DLG1: variants seen among roughly 807,000 people sequenced by gnomAD.
DLG1 encodes the protein disks large homolog 1.
A neutral mutation model predicts 123.4 loss-of-function variants in DLG1; 42 were observed. The observed-to-expected ratio is 0.34, with a 90% confidence interval of 0.27 to 0.44. DLG1 has a LOEUF of 0.44. DLG1 is among the 20% of genes least tolerant of loss of function. The probability of loss-of-function intolerance (pLI) is 1.00; values close to 1 mark genes in which losing one functional copy is unlikely to be tolerated. For synonymous variants in DLG1, 317 were observed against 356.2 expected (o/e 0.89, Z 1.24); for missense variants, 942 against 1,082.6 (o/e 0.87, Z 1.82).
At chr3:197,100,037 G>A (rs930478981) in intron 14 of DLG1, among the ~76,000 whole-genome samples, 2 of 152,094 alleles carry the variant, frequency 1.3e-5, no homozygotes, top group African/African-American at 4.8e-5. Context: ...GTGGACACTC[G>A]CAGTTCAAAC....
At chr3:197,113,805 G>A (rs2149384724) in intron 13 of DLG1, among the ~76,000 whole-genome samples, 1 of 152,148 alleles carries the variant, frequency 6.6e-6, no homozygotes, top group Non-Finnish European at 1.5e-5. Context: ...TTATAGGTAA[G>A]GTATAGATAA....
At chr3:197,250,385 T>C (rs1410198681) in intron 4 of DLG1, among the ~76,000 whole-genome samples, 2 of 151,902 alleles carry the variant, frequency 1.3e-5, no homozygotes, top group Admixed American at 6.6e-5. Context: ...CTGGCCAACA[T>C]TGTGAAACCC....
intron 4 of DLG1, among the ~76,000 whole-genome samples, chr3:197,219,207 T>C (rs1016274372): frequency 6.6e-6 from 1 of 152,142 alleles, no homozygotes; most frequent in South Asian, 2.1e-4. Flanking sequence ...CTATCCTCTA[T>C]TCTCAAACAC....
At chr3:197,215,304 T>C (rs1459267149) in intron 4 of DLG1, among the ~76,000 whole-genome samples, 1 of 152,132 alleles carries the variant, frequency 6.6e-6, no homozygotes, top group Non-Finnish European at 1.5e-5. Flanking sequence ...TGGGAAGAAT[T>C]TGTCAATAAA....
intron 4 of DLG1, among the ~76,000 whole-genome samples, chr3:197,244,021 A>G (rs1317482309): frequency 6.6e-6 from 1 of 152,246 alleles, no homozygotes; most frequent in Non-Finnish European, 1.5e-5. Context: ...ATCCAGTAAT[A>G]GTCCACCACA....
intron 4 of DLG1, among the ~76,000 whole-genome samples, chr3:197,281,227 C>T (rs139028084): frequency 2.0e-5 from 3 of 152,172 alleles, no homozygotes; most frequent in Admixed American, 6.5e-5. Context: ...AGACGTGAGA[C>T]GTGGTTTCAC....
intron 6 of DLG1, among the ~76,000 whole-genome samples, chr3:197,147,349 T>C (rs373385157): frequency 3.9e-5 from 6 of 152,116 alleles, no homozygotes; most frequent in African/African-American, 9.7e-5. Context: ...TGCATGTTTA[T>C]AGCAGCGCAA....
chr3:197,260,804 A>T (rs1759069304), intron 4 of DLG1, among the ~76,000 whole-genome samples: 1 of 149,956 alleles, frequency 6.7e-6, no homozygotes, highest in Non-Finnish European at 1.5e-5. Context: ...ATATGCAAGC[A>T]AACATTTCTT....
intron 4 of DLG1, among the ~76,000 whole-genome samples, chr3:197,278,027 G>A (rs1264128213): frequency 1.3e-5 from 2 of 151,944 alleles, no homozygotes; most frequent in Non-Finnish European, 2.9e-5. Context: ...GCTGAAGCCT[G>A]TAATCCCAGC....
rs922473488 is a variant in DLG1 at position 197,044,004 on chromosome 3, C to T, written c.*619G>A. 1 of 151,962 alleles carries T rather than the reference C, an allele frequency of 6.6e-6. No homozygotes were observed. The highest frequency in any genetic ancestry group is 1.5e-5 in the Non-Finnish European group (1 of 67,972). The allele number at this position is 151,962 out of a possible 1,614,324, so 9.4% of individuals were successfully genotyped here. The stretch of plus-strand genomic sequence containing the variant: ...AACGTTGTTATTCCTAGCAAATGTC[C>T]TGGGAAAAAAGAACCGTCAAATACT... On this transcript the variant is annotated 3_prime_UTR_variant, in exon 25 of 25. Coordinates refer to ENST00000667157, the MANE Select transcript of DLG1 (RefSeq NM_001366207.1).
At chr3:197,280,723 A>G (rs1768894850) in intron 4 of DLG1, among the ~76,000 whole-genome samples, 1 of 152,184 alleles carries the variant, frequency 6.6e-6, no homozygotes, top group African/African-American at 2.4e-5. Context: ...ATCGGACAAT[A>G]AAAAATACTA....
At chr3:197,285,572 A>G (rs1451142769) in intron 3 of DLG1, among the ~76,000 whole-genome samples, 2 of 152,164 alleles carry the variant, frequency 1.3e-5, no homozygotes, top group Non-Finnish European at 2.9e-5. Flanking sequence ...CAACAATAAG[A>G]AGACAATCCA....
intron 24 of DLG1, among the ~76,000 whole-genome samples, chr3:197,047,088 A>T (rs1723820947): frequency 6.6e-6 from 1 of 152,116 alleles, no homozygotes. Flanking sequence ...CAGAAAAACC[A>T]TTTTTTTCCA....
intron 23 of DLG1, among the ~76,000 whole-genome samples, chr3:197,057,986 T>A (rs1379518852): frequency 6.6e-6 from 1 of 152,048 alleles, no homozygotes; most frequent in Non-Finnish European, 1.5e-5. Flanking sequence ...TTGTTTTCTT[T>A]TTTTTTTCCT....
chr3:197,145,298 G>A (rs972782024), intron 6 of DLG1, among the ~76,000 whole-genome samples: 11 of 152,008 alleles, frequency 7.2e-5, no homozygotes, highest in African/African-American at 1.9e-4. Context: ...AGTCTTTATC[G>A]AATAAGCAGT....
chr3:197,196,664 T>C (rs1320252282), intron 4 of DLG1, among the ~76,000 whole-genome samples: 2 of 152,138 alleles, frequency 1.3e-5, no homozygotes, highest in African/African-American at 4.8e-5. Context: ...ACTAACAAAA[T>C]GTCTAAAGAA....
intron 4 of DLG1, among the ~76,000 whole-genome samples, chr3:197,208,128 A>G (rs964316462): frequency 6.8e-6 from 1 of 146,148 alleles, no homozygotes; most frequent in Non-Finnish European, 1.5e-5. Context: ...AAAAAAATCA[A>G]GTAATTCTTA....
In DLG1 at chr3:197,066,774, C is replaced by A; in HGVS notation, c.2048-20G>T. On this transcript the variant is annotated intron_variant, in intron 19 of 24. Coordinates refer to ENST00000667157, the MANE Select transcript of DLG1 (RefSeq NM_001366207.1). The stretch of plus-strand genomic sequence containing the variant: ...GACCACCTATTAGAAAGTGAAGGCA[C>A]AGATGAAAAATGTGTAAAGATAATT... 6.5e-7 allele frequency: 1 copy of A among 1,548,384 alleles called. No individual in the cohort carries two copies. Among genetic ancestry groups the A allele is most frequent in the Non-Finnish European group, 8.9e-7 (1 of 1,126,718 alleles).
chr3:197,185,626 C>G (rs967728426), intron 5 of DLG1, among the ~76,000 whole-genome samples: 1 of 152,060 alleles, frequency 6.6e-6, no homozygotes, highest in African/African-American at 2.4e-5. Flanking sequence ...TTGTTATGGA[C>G]CAGGTACCTA....
Sources: allele counts gnomAD v4.1 joint callset (sites outside exome capture counted in the v4.1 genomes callset), GRCh38; gene constraint gnomAD v4.1.1; transcripts MANE v1.5; gene names NCBI Gene and HGNC (gene_info 2026-07-23, HGNC 2026-07-21).